The following PPP1R9A variants were observed in gnomAD, a reference collection of about 807,000 sequenced individuals.
The protein encoded by PPP1R9A is protein phosphatase 1 regulatory subunit 9A.
A neutral mutation model predicts 141.9 loss-of-function variants in PPP1R9A; 59 were observed. The ratio of observed to expected loss-of-function variants is 0.42; its 90% CI spans 0.34 to 0.52. PPP1R9A has a LOEUF of 0.52. PPP1R9A is among the 20% of genes least tolerant of loss of function. PPP1R9A has a pLI of 0.10. For missense variants in PPP1R9A, 1,444 were observed against 1,611.9 expected, an observed-to-expected ratio of 0.90 and a Z score of 1.78; for synonymous variants, 500 against 569.7, an observed-to-expected ratio of 0.88 and a Z score of 1.74.
chr7:95,251,509 T>C (rs984470646), intron 10 of PPP1R9A, among the ~76,000 whole-genome samples: 11 of 152,222 alleles, frequency 7.2e-5, no homozygotes, highest in African/African-American at 2.4e-4. Context: ...TCTAAATATG[T>C]ATGGGTGTTC....
At chr7:95,202,997 A>G (rs1326697239) in intron 6 of PPP1R9A, among the ~76,000 whole-genome samples, 5 of 152,110 alleles carry the variant, frequency 3.3e-5, no homozygotes, top group African/African-American at 1.2e-4. Context: ...AGCTATAGAT[A>G]GCATTTCAAA....
chr7:95,201,945 G>A (rs1789658411), intron 6 of PPP1R9A, among the ~76,000 whole-genome samples: 1 of 152,170 alleles, frequency 6.6e-6, no homozygotes, highest in South Asian at 2.1e-4. Context: ...CTGAAGGATA[G>A]ATAGCTTCTG....
intron 2 of PPP1R9A, among the ~76,000 whole-genome samples, chr7:94,930,402 A>G (rs559375711): frequency 2.0e-5 from 3 of 152,262 alleles, no homozygotes; most frequent in African/African-American, 7.2e-5. Flanking sequence ...CAGTGGTGCA[A>G]TCTGAGCTCA....
chr7:95,096,886 T>C (rs1417100651), intron 2 of PPP1R9A, among the ~76,000 whole-genome samples: 1 of 152,174 alleles, frequency 6.6e-6, no homozygotes, highest in East Asian at 1.9e-4. Context: ...CTGAAGTCTT[T>C]GCTTTCGGGG....
At chr7:95,263,697 G>A (rs763300990) in intron 12 of PPP1R9A, among the ~76,000 whole-genome samples, 2 of 152,116 alleles carry the variant, frequency 1.3e-5, no homozygotes, top group Non-Finnish European at 2.9e-5. Flanking sequence ...GGCATGGCAT[G>A]AGCCACTGTA....
At chr7:95,196,070 CGT>C (rs61241471) in intron 5 of PPP1R9A, among the ~76,000 whole-genome samples, 318 of 149,020 alleles carry the variant, frequency 2.1e-3, no homozygotes, top group Middle Eastern at 0.01. Flanking sequence ...TACACACATA[CGT>C]GTGTGTGTGT....
At chr7:95,092,650 C>G (rs1817514593) in intron 2 of PPP1R9A, among the ~76,000 whole-genome samples, 1 of 152,154 alleles carries the variant, frequency 6.6e-6, no homozygotes, top group Non-Finnish European at 1.5e-5. Context: ...GGCACAATGC[C>G]AAATTTTGGA....
chr7:94,978,598 TTTCA>T (rs1285529646), intron 2 of PPP1R9A, among the ~76,000 whole-genome samples: 1 of 152,206 alleles, frequency 6.6e-6, no homozygotes, highest in Middle Eastern at 3.2e-3. Flanking sequence ...CTGCATTCAT[TTTCA>T]TTCAGTGGTT....
chr7:95,173,642 T>G (rs1035922022), intron 5 of PPP1R9A, among the ~76,000 whole-genome samples: 1 of 152,038 alleles, frequency 6.6e-6, no homozygotes, highest in Non-Finnish European at 1.5e-5. Context: ...AAAGAACTCT[T>G]GTAATTCAAT....
At chr7:95,273,464 G>A (rs1443031853) in intron 14 of PPP1R9A, among the ~76,000 whole-genome samples, 3 of 152,178 alleles carry the variant, frequency 2.0e-5, no homozygotes, top group South Asian at 2.1e-4. Context: ...CTGGGCTTTG[G>A]AGATACGGGA....
intron 2 of PPP1R9A, among the ~76,000 whole-genome samples, chr7:95,029,450 C>T (rs1807349474): frequency 6.6e-6 from 1 of 152,056 alleles, no homozygotes; most frequent in Admixed American, 6.6e-5. Flanking sequence ...TAATTGATTC[C>T]AGGCAATAGC....
At chr7:95,048,375 T>C (rs1232417821) in intron 2 of PPP1R9A, among the ~76,000 whole-genome samples, 42 of 152,146 alleles carry the variant, frequency 2.8e-4, no homozygotes, top group Non-Finnish European at 7.3e-5. Context: ...ATATGAAAGA[T>C]AAGGAAATAC....
intron 4 of PPP1R9A, among the ~76,000 whole-genome samples, chr7:95,133,555 T>C (rs1443627296): frequency 7.1e-6 from 1 of 139,928 alleles, no homozygotes; most frequent in Non-Finnish European, 1.6e-5. Context: ...ACATCATTTA[T>C]ATATTGTTTT....
chr7:94,911,742 G>A (rs1791472143), intron 2 of PPP1R9A, among the ~76,000 whole-genome samples: 1 of 152,156 alleles, frequency 6.6e-6, no homozygotes, highest in Admixed American at 6.5e-5. Flanking sequence ...TAATATTAAA[G>A]CTGAAGAAGT....
chr7:95,158,233 GT>G (rs1464735065), intron 4 of PPP1R9A, among the ~76,000 whole-genome samples: 4 of 152,148 alleles, frequency 2.6e-5, no homozygotes, highest in Non-Finnish European at 4.4e-5. Flanking sequence ...TCTATTAAAT[GT>G]TGTTTGGCCA....
intron 2 of PPP1R9A, among the ~76,000 whole-genome samples, chr7:95,071,953 A>G (rs1162183435): frequency 2.0e-5 from 3 of 151,606 alleles, no homozygotes; most frequent in Non-Finnish European, 4.4e-5. Flanking sequence ...ACTTTATATC[A>G]TATTTAAAAG....
At chr7:95,027,545 T>C (rs1282474576) in intron 2 of PPP1R9A, among the ~76,000 whole-genome samples, 1 of 152,164 alleles carries the variant, frequency 6.6e-6, no homozygotes, top group Non-Finnish European at 1.5e-5. Flanking sequence ...CTTGCCAGCC[T>C]CTCTTGAAAA....
chr7:95,277,529 A>G (rs1393847518), intron 16 of PPP1R9A, among the ~76,000 whole-genome samples: 1 of 152,102 alleles, frequency 6.6e-6, no homozygotes, highest in Non-Finnish European at 1.5e-5. Flanking sequence ...TCCTGGGCTC[A>G]AGTGATCCTC....
chr7:95,243,288 A>G (rs571598414), intron 8 of PPP1R9A, among the ~76,000 whole-genome samples: 2 of 152,226 alleles, frequency 1.3e-5, no homozygotes, highest in East Asian at 3.9e-4. Context: ...AATTCTTACA[A>G]GGTGTTTTTA....
Sources: gnomAD v4.1 joint callset for allele counts (sites outside exome capture counted in the v4.1 genomes callset) on GRCh38, gnomAD v4.1.1 for gene constraint, MANE v1.5 for transcripts, NCBI Gene and HGNC (gene_info 2026-07-23, HGNC 2026-07-21) for gene names.